The following DPP6 variants were observed in gnomAD, a reference collection of about 807,000 sequenced individuals.
DPP6 encodes A-type potassium channel modulatory protein DPP6.
DPP6 carries 69 observed loss-of-function variants against 122.6 expected under a neutral mutation model. That is an observed-to-expected ratio of 0.56 (90% CI 0.46 to 0.69). The LOEUF is 0.69. DPP6 is among the 30% of genes least tolerant of loss of function. The pLI is 0.00. For missense variants in DPP6, 928 were observed against 1,116.9 expected (o/e 0.83, Z 2.41); for synonymous variants, 418 against 433.1 (o/e 0.97, Z 0.43).
intron 4 of DPP6, among the ~76,000 whole-genome samples, chr7:154,560,818 G>A (rs1202526951): frequency 6.6e-6 from 1 of 151,560 alleles, no homozygotes; most frequent in African/African-American, 2.4e-5. Context: ...AGGATGCAGA[G>A]GTTGCCGTGA....
At chr7:154,809,361 A>G (rs1798899162) in intron 16 of DPP6, among the ~76,000 whole-genome samples, 1 of 152,078 alleles carries the variant, frequency 6.6e-6, no homozygotes, top group South Asian at 2.1e-4. Flanking sequence ...TTATTGTCCC[A>G]TTTGATGAAG....
At chr7:153,904,198 C>T (rs376460109) in intron 1 of DPP6, among the ~76,000 whole-genome samples, 19 of 152,036 alleles carry the variant, frequency 1.2e-4, no homozygotes, top group Admixed American at 2.6e-4. Flanking sequence ...ACTACAGGCA[C>T]GCACCACTAT....
intron 1 of DPP6, among the ~76,000 whole-genome samples, chr7:154,136,771 C>T (rs1222587614): frequency 2.0e-5 from 3 of 152,298 alleles, no homozygotes; most frequent in Middle Eastern, 3.4e-3. Context: ...AGACTTATGT[C>T]AGATTGATAA....
At chr7:154,139,214 G>A (rs1369115457) in intron 1 of DPP6, among the ~76,000 whole-genome samples, 2 of 148,568 alleles carry the variant, frequency 1.3e-5, no homozygotes. Flanking sequence ...TAGAATGGGG[G>A]AAGCTGGCAG....
At chr7:154,191,877 C>G (rs1048212397) in intron 1 of DPP6, among the ~76,000 whole-genome samples, 13 of 152,198 alleles carry the variant, frequency 8.5e-5, no homozygotes, top group Non-Finnish European at 1.5e-5. Context: ...ATAGACATTA[C>G]ATATGCATTG....
intron 8 of DPP6, among the ~76,000 whole-genome samples, chr7:154,767,623 T>C (rs1209833055): frequency 6.6e-6 from 1 of 152,138 alleles, no homozygotes; most frequent in Non-Finnish European, 1.5e-5. Context: ...TCTGAGGCTG[T>C]GAGACAGACG....
chr7:154,233,933 G>C (rs1313825106), intron 1 of DPP6, among the ~76,000 whole-genome samples: 1 of 152,214 alleles, frequency 6.6e-6, no homozygotes, highest in African/African-American at 2.4e-5. Flanking sequence ...CTGTGGGTTG[G>C]ATTACTCTGG....
chr7:154,660,678 A>G (rs1245810395), intron 6 of DPP6, among the ~76,000 whole-genome samples: 2 of 128,592 alleles, frequency 1.6e-5, no homozygotes, highest in African/African-American at 3.3e-5. Flanking sequence ...TAGTATTCAT[A>G]TAGTCATGGT....
Position 154,061,786 on chromosome 7 carries a change from C to A in DPP6, c.243+8723C>A, listed in dbSNP as rs1410562421. ...TGCACCCCCATCGCAGGGAGGGAGG[C>A]ACCCCTCGCGACGCGGGGACTGAGA... On this transcript the variant is annotated intron_variant, in intron 1 of 25. Transcript: ENST00000377770. Among the ~76,000 whole-genome samples, 1,135 of 114,688 alleles carry A rather than the reference C, an allele frequency of 9.9e-3. 1 individual carries two copies. Among genetic ancestry groups the A allele is most frequent in the African/African-American group, 0.021 (612 of 29,208 alleles). The allele number at this position is 114,688 out of a possible 152,430, so 75.2% of individuals were successfully genotyped here.
At chr7:153,918,463 C>CTG (rs1800436821) in intron 1 of DPP6, among the ~76,000 whole-genome samples, 1 of 80,264 alleles carries the variant, frequency 1.2e-5, no homozygotes, top group African/African-American at 3.6e-5. Context: ...CACACACACA[C>CTG]ACACTCTCTC....
At chr7:154,406,081 C>T (rs536644581) in intron 1 of DPP6, among the ~76,000 whole-genome samples, 4 of 152,016 alleles carry the variant, frequency 2.6e-5, no homozygotes, top group East Asian at 1.9e-4. Flanking sequence ...AAAGGCAAAC[C>T]GGGAGGCATG....
chr7:153,921,296 ATTG>A (rs1160156558), intron 1 of DPP6, among the ~76,000 whole-genome samples: 1 of 152,244 alleles, frequency 6.6e-6, no homozygotes, highest in Non-Finnish European at 1.5e-5. Flanking sequence ...TCTGGAATTG[ATTG>A]TTATCACAGC....
intron 9 of DPP6, among the ~76,000 whole-genome samples, chr7:154,771,238 A>T (rs751153865): frequency 1.3e-5 from 2 of 152,080 alleles, no homozygotes; most frequent in Non-Finnish European, 2.9e-5. Context: ...TGTCTTAGTC[A>T]GTTCCAGCTG....
the DPP6 span, among the ~76,000 whole-genome samples, chr7:153,807,489 C>A: frequency 1.3e-5 from 2 of 151,606 alleles, no homozygotes; most frequent in African/African-American, 4.9e-5. Context: ...TTGGAGATTT[C>A]ACAGGACATG....
chr7:154,406,116 A>G (rs1216008961), intron 1 of DPP6, among the ~76,000 whole-genome samples: 2 of 152,204 alleles, frequency 1.3e-5, no homozygotes, highest in Admixed American at 6.5e-5. Context: ...CAAAATCTGG[A>G]TGCTCATGGA....
chr7:154,337,605 C>T (rs1809541739), intron 1 of DPP6, among the ~76,000 whole-genome samples: 1 of 152,226 alleles, frequency 6.6e-6, no homozygotes. Context: ...CAGAGATGTC[C>T]TCTGTGTGCC....
chr7:154,601,791 A>G (rs1833417651), intron 5 of DPP6, among the ~76,000 whole-genome samples: 1 of 120,562 alleles, frequency 8.3e-6, no homozygotes, highest in South Asian at 3.4e-4. Context: ...ATCCATGAGC[A>G]TTTGTTAGGT....
At chr7:154,001,807 G>A (rs1444020953) in intron 1 of DPP6, among the ~76,000 whole-genome samples, 1 of 152,010 alleles carries the variant, frequency 6.6e-6, no homozygotes, top group Non-Finnish European at 1.5e-5. Context: ...ATGCAATGAG[G>A]GAAGGCAATC....
intron 1 of DPP6, among the ~76,000 whole-genome samples, chr7:153,909,488 T>C (rs551133745): frequency 3.3e-5 from 5 of 152,274 alleles, no homozygotes; most frequent in African/African-American, 7.2e-5. Context: ...CCTGTCCCCC[T>C]CCAGCTACCA....
Sources: gnomAD v4.1 joint callset for allele counts (sites outside exome capture counted in the v4.1 genomes callset) on GRCh38, gnomAD v4.1.1 for gene constraint, MANE v1.5 for transcripts, NCBI Gene and HGNC (gene_info 2026-07-23, HGNC 2026-07-21) for gene names.